Variants in DST observed in about 807,000 individuals in gnomAD.
The protein encoded by DST is bullous pemphigoid antigen.
Under a neutral mutation model 875.2 loss-of-function variants are expected in DST, and 253 were observed. The observed-to-expected ratio is 0.29, with a 90% CI of 0.26 to 0.32. The LOEUF (loss-of-function observed/expected upper bound fraction) is 0.32. Among genes scored for constraint, DST ranks in the 10% least tolerant of loss-of-function variants. The pLI is 1.00. For synonymous variants in DST, 3,124 were observed against 3,197.1 expected (o/e 0.98, Z 0.77); for missense variants, 8,287 against 9,111.6 (o/e 0.91, Z 3.68).
At position 56,609,032 on chromosome 6, in the gene DST, C is replaced by T. The variant is rs745558987; in HGVS notation, c.5596G>A (p.Glu1866Lys). The stretch of plus-strand genomic sequence containing the variant: ...TCAAGAACTTTGATGGCCATGGATT[C>T]TGTTATCATGCTTTGAGCTAGAGCA... ...LDALAQSMIT[E>K]SMAIKVLEIL... The change falls in exon 40 of 104, where the codon GAA becomes AAA. Residue 1866 changes from glutamate (E) to lysine (K), a missense_variant. By Grantham distance (56) the Glu-to-Lys change is moderately conservative. This residue lies in a region of DST where 3,138 missense variants were observed against 3,116.6 expected (regional missense o/e 1.01). Coordinates refer to ENST00000680361, the MANE Select transcript of DST (RefSeq NM_001374736.1). The T allele has an allele frequency of 6.2e-7, 1 of 1,613,818 alleles. No homozygotes were observed. Among genetic ancestry groups the T allele is most frequent in the East Asian group, 2.2e-5 (1 of 44,878 alleles).
At position 56,602,245 on chromosome 6, in the gene DST, C is replaced by T. The variant is rs542118431; in HGVS notation, c.11308-569G>A. Among the ~76,000 whole-genome samples the T allele has an allele frequency of 4.6e-5, 7 of 150,700 alleles. No homozygotes were observed. The South Asian group carries it at 1.0e-3, about 23-fold the overall frequency. ...TATAAACACAGTCATGAGCCACATACGACAGGTCACATATAAAATGTTGGT... is the reference window on the plus strand; with the variant it reads ...TATAAACACAGTCATGAGCCACATATGACAGGTCACATATAAAATGTTGGT... On this transcript the variant is annotated intron_variant, in intron 43 of 103. Transcript: ENST00000680361.
At chr6:56,818,682 A>G (rs530518005) in intron 4 of DST, among the ~76,000 whole-genome samples, 2 of 152,180 alleles carry the variant, frequency 1.3e-5, no homozygotes, top group African/African-American at 2.4e-5. Context: ...TCAGAGTAAT[A>G]TAACTTCAGC....
Position 56,459,076 on chromosome 6 carries a change from T to A in DST, c.23386A>T (p.Lys7796Ter). ...TGGGGCGTGGGGATTTTTGAAGGCTTCGCTGTGGATGGCCGAGAACCTGCT... is the reference window on the plus strand; with the variant it reads ...TGGGGCGTGGGGATTTTTGAAGGCTACGCTGTGGATGGCCGAGAACCTGCT... The part of the protein sequence containing the change: ...PRAGSRPSTA[K>*]PSKIPTPQRK... Residue 7796 changes from lysine to a stop codon, truncating the protein, a stop_gained, in exon 104 of 104, where the codon AAG becomes TAG. Coordinates refer to ENST00000680361, the MANE Select transcript of DST (RefSeq NM_001374736.1). LOFTEE classifies it high-confidence loss of function. The A allele has an allele frequency of 6.2e-7, 1 of 1,613,986 alleles. No individual in the cohort carries two copies. Among genetic ancestry groups the A allele is most frequent in the Non-Finnish European group, 8.5e-7 (1 of 1,179,876 alleles).
chr6:56,476,019 T>G, intron 92 of DST, 130 bp downstream of exon 92: 1 of 789,272 alleles, frequency 1.3e-6, no homozygotes, highest in Non-Finnish European at 1.9e-6. Flanking sequence ...GAAACACAGT[T>G]GTAAGGAGCT....
chr6:56,527,995 G>T (rs989783140), intron 67 of DST, among the ~76,000 whole-genome samples: 1 of 152,172 alleles, frequency 6.6e-6, no homozygotes, highest in Non-Finnish European at 1.5e-5. Context: ...CAGTACTTTT[G>T]TATCTATCTG....
chr6:56,653,783 T>G (rs1304628965), intron 10 of DST, among the ~76,000 whole-genome samples: 1 of 152,194 alleles, frequency 6.6e-6, no homozygotes, highest in East Asian at 1.9e-4. Flanking sequence ...GGTGGTCCCT[T>G]TGTCTTTCAA....
chr6:56,706,195 T>C (rs1447452903), intron 5 of DST, among the ~76,000 whole-genome samples: 1 of 151,920 alleles, frequency 6.6e-6, no homozygotes, highest in Admixed American at 6.6e-5. Context: ...GTGCCTGTAA[T>C]CCCAGCTACT....
intron 4 of DST, among the ~76,000 whole-genome samples, chr6:56,756,764 T>G (rs988463923): frequency 1.3e-5 from 2 of 152,198 alleles, no homozygotes; most frequent in African/African-American, 4.8e-5. Context: ...TTAGTACATT[T>G]TCTCACTAAT....
chr6:56,642,840 G>A (rs965836384), intron 15 of DST: 1 of 1,610,532 alleles, frequency 6.2e-7, no homozygotes, highest in Non-Finnish European at 8.5e-7. Context: ...TAGACTAAAA[G>A]GTAGGAGGTC....
intron 2 of DST, among the ~76,000 whole-genome samples, chr6:56,941,998 G>A (rs1816854046): frequency 6.6e-6 from 1 of 152,154 alleles, no homozygotes; most frequent in African/African-American, 2.4e-5. Flanking sequence ...TTGAGGTTAG[G>A]TTTATATTAG....
At chr6:56,877,237 A>G (rs1340981351) in intron 3 of DST, among the ~76,000 whole-genome samples, 1 of 152,110 alleles carries the variant, frequency 6.6e-6, no homozygotes. Context: ...CATACCATTT[A>G]CCACCTCCTA....
chr6:56,605,773 A>G lies in DST; in HGVS notation c.8855T>C (p.Leu2952Ser), dbSNP rs200942863. The stretch of plus-strand genomic sequence containing the variant: ...CTTTGTGTTTGCTAGATCAGTACCT[A>G]ATTCAGAAGTTGAACTGATATTATT... ...DNNNISSTSE[L>S]GTDLANTKVK... is the part of the protein sequence containing the mutation. The change falls in exon 40 of 104, where the codon TTA becomes TCA. Residue 2952 changes from leucine (L) to serine (S), a missense_variant. Leu to Ser is a moderately radical substitution (Grantham distance 145). Transcript: ENST00000680361. 323 of 1,612,524 alleles carry G rather than the reference A, an allele frequency of 2.0e-4. 2 individuals are homozygous for G. Among genetic ancestry groups the G allele is most frequent in the Non-Finnish European group, 2.3e-4 (274 of 1,179,262 alleles).
chr6:56,625,002 G>T (rs1446424795), intron 35 of DST, among the ~76,000 whole-genome samples, 155 bp downstream of exon 35: 1 of 152,072 alleles, frequency 6.6e-6, no homozygotes, highest in Non-Finnish European at 1.5e-5. Flanking sequence ...GCACAATATT[G>T]TGATATACTG....
In DST at chr6:56,636,029, C is replaced by A. The variant is rs116494473; in HGVS notation, c.3061-315G>T. On this transcript the variant is annotated intron_variant, in intron 23 of 103. Transcript: ENST00000680361. ...GTGAAATTCCAAGAATACTTAAAAA[C>A]TTCTATGGTTTTAGAAGTTAAATGG... 0.025 allele frequency among the ~76,000 whole-genome samples: 3,754 copies of A among 152,156 alleles called. 72 individuals carry two copies. The highest frequency in any genetic ancestry group is 0.041 in the Non-Finnish European group (2,795 of 67,966).
At chr6:56,619,358 T>C (rs766795286) in intron 36 of DST, 5 of 1,613,734 alleles carry the variant, frequency 3.1e-6, no homozygotes, top group African/African-American at 1.3e-5. Context: ...CAATTCTTCA[T>C]TGAGCCTTTG....
intron 5 of DST, among the ~76,000 whole-genome samples, chr6:56,732,137 A>T (rs1231954713): frequency 6.6e-6 from 1 of 152,234 alleles, no homozygotes; most frequent in African/African-American, 2.4e-5. Context: ...ATTCTTCACT[A>T]ATCAGCCAGA....
At chr6:56,692,630 T>G (rs2099238474) in intron 9 of DST, 6 of 1,289,722 alleles carry the variant, frequency 4.7e-6, no homozygotes, top group Non-Finnish European at 6.1e-6. Flanking sequence ...AAAACATCAG[T>G]TTTTTCCTGG....
At chr6:56,476,464 C>G in intron 91 of DST, 127 bp from the exon 92 acceptor site, 1 of 783,184 alleles carries the variant, frequency 1.3e-6, no homozygotes, top group Non-Finnish European at 1.9e-6. Context: ...TGCTTCTGGT[C>G]TTTTTAGATT....
At chr6:56,629,476 A>C in intron 31 of DST, 33 bp from the exon 32 acceptor site, 1 of 1,516,522 alleles carries the variant, frequency 6.6e-7, no homozygotes. Context: ...AGTTATAAAA[A>C]TGTTAACCAC....
Sources: gnomAD v4.1 joint callset for allele counts (sites outside exome capture counted in the v4.1 genomes callset) on GRCh38, gnomAD v4.1.1 for gene constraint, gnomAD v4.1.1 regional missense constraint, MANE v1.5 for transcripts, NCBI Gene and HGNC (gene_info 2026-07-23, HGNC 2026-07-21) for gene names.